The following AKAP19 variants were observed in gnomAD, a reference collection of about 807,000 sequenced individuals.
AKAP19 encodes small A-kinase anchoring protein.
chr2:189,889,738 G>A, the AKAP19 span, among the ~76,000 whole-genome samples: 1 of 152,160 alleles, frequency 6.6e-6, no homozygotes, highest in Admixed American at 6.5e-5. Flanking sequence ...AGTATTATCT[G>A]ATGGTAGTTT....
At chr2:190,038,905 TTCTTCTTCTTCTTCTTCTTCTTCTTCTTC>T in the AKAP19 span, among the ~76,000 whole-genome samples, 16 of 82,874 alleles carry the variant, frequency 1.9e-4, no homozygotes, top group Admixed American at 2.3e-4. Context: ...TCTTTCTTTC[TTCTTCTTCTTCTTCTTCTTCTTCTTCTTC>T]TTCTTCTTCT....
the AKAP19 span, chr2:190,180,747 C>T: frequency 1.5e-4 from 149 of 985,274 alleles, no homozygotes; most frequent in Middle Eastern, 2.6e-3. This position sits in a 1 kb window ranked among gnomAD's most constrained non-coding sequence, Gnocchi z 6.8. Flanking sequence ...CCTTGGGCGG[C>T]CATCTGGAGG....
the AKAP19 span, chr2:189,930,187 T>A: frequency 6.0e-6 from 1 of 165,952 alleles, no homozygotes; most frequent in Non-Finnish European, 1.3e-5. Flanking sequence ...TCCTAATCCC[T>A]GGTTCTTTGG....
At chr2:190,175,001 T>TGGAGC in the AKAP19 span, among the ~76,000 whole-genome samples, 1 of 51,410 alleles carries the variant, frequency 1.9e-5, no homozygotes. Context: ...ATACATAGAT[T>TGGAGC]ACATGGAGTA....
At chr2:189,921,498 G>A in the AKAP19 span, among the ~76,000 whole-genome samples, 1 of 152,154 alleles carries the variant, frequency 6.6e-6, no homozygotes, top group African/African-American at 2.4e-5. Context: ...AGATTAGGAG[G>A]TGAGGGATTA....
the AKAP19 span, among the ~76,000 whole-genome samples, chr2:190,052,630 TA>T: frequency 6.6e-6 from 1 of 152,178 alleles, no homozygotes; most frequent in Non-Finnish European, 1.5e-5. Flanking sequence ...CCAAACCGCA[TA>T]ATCAAATTTT....
At chr2:189,916,913 C>T in the AKAP19 span, among the ~76,000 whole-genome samples, 74 of 152,024 alleles carry the variant, frequency 4.9e-4, no homozygotes, top group African/African-American at 1.7e-3. Context: ...TTTCATTCAC[C>T]GTATAATTTA....
the AKAP19 span, among the ~76,000 whole-genome samples, chr2:190,091,498 TAG>T: frequency 0.02 from 2,945 of 150,534 alleles, 37 homozygotes; most frequent in Middle Eastern, 0.031. Flanking sequence ...TTTCTTAAAG[TAG>T]AAGAGAACTT....
the AKAP19 span, among the ~76,000 whole-genome samples, chr2:189,987,696 G>A: frequency 1.3e-5 from 2 of 152,184 alleles, no homozygotes; most frequent in South Asian, 4.1e-4. Context: ...CAGACCAGAT[G>A]TAACCAAGAA....
the AKAP19 span, among the ~76,000 whole-genome samples, chr2:190,034,811 A>G: frequency 1.5e-5 from 2 of 137,454 alleles, no homozygotes; most frequent in Admixed American, 8.5e-5. Context: ...CAGAGATTGC[A>G]CCACTGAACT....
the AKAP19 span, among the ~76,000 whole-genome samples, chr2:190,134,454 C>T: frequency 6.6e-6 from 1 of 151,770 alleles, no homozygotes; most frequent in Non-Finnish European, 1.5e-5. Flanking sequence ...TATTTATTAC[C>T]AAAGATGTTG....
At chr2:190,194,474 G>GTA in the AKAP19 span, among the ~76,000 whole-genome samples, 1 of 124,022 alleles carries the variant, frequency 8.1e-6, no homozygotes, top group East Asian at 2.6e-4. Context: ...CGTATCCTGT[G>GTA]TATACACACA....
At chr2:190,182,966 T>C in the AKAP19 span, among the ~76,000 whole-genome samples, 1 of 152,256 alleles carries the variant, frequency 6.6e-6, no homozygotes, top group Admixed American at 6.5e-5. Flanking sequence ...ATGTCATTCA[T>C]CATGTTAATT....
chr2:190,031,840 T>C, the AKAP19 span, among the ~76,000 whole-genome samples: 4 of 152,296 alleles, frequency 2.6e-5, no homozygotes, highest in East Asian at 7.7e-4. Context: ...GGACAAATGC[T>C]GGGTCAGTTT....
the AKAP19 span, among the ~76,000 whole-genome samples, chr2:190,080,640 A>G: frequency 6.6e-6 from 1 of 152,250 alleles, no homozygotes; most frequent in Non-Finnish European, 1.5e-5. Context: ...CAATTCAAGG[A>G]ACATTTATTG....
At chr2:190,131,740 G>A in the AKAP19 span, among the ~76,000 whole-genome samples, 1 of 152,094 alleles carries the variant, frequency 6.6e-6, no homozygotes, top group Non-Finnish European at 1.5e-5. Context: ...ATCTCCTGTG[G>A]GATAGTATCA....
the AKAP19 span, among the ~76,000 whole-genome samples, chr2:190,100,306 A>C: frequency 1.3e-5 from 2 of 152,188 alleles, no homozygotes; most frequent in African/African-American, 4.8e-5. Context: ...CATGCTGACT[A>C]TGTGGAAGGA....
At chr2:190,120,538 T>A in the AKAP19 span, among the ~76,000 whole-genome samples, 2 of 152,218 alleles carry the variant, frequency 1.3e-5, no homozygotes, top group Non-Finnish European at 2.9e-5. Flanking sequence ...CTATATTGTG[T>A]TACATGACAG....
the AKAP19 span, among the ~76,000 whole-genome samples, chr2:189,982,523 G>A: frequency 5.3e-5 from 8 of 152,074 alleles, no homozygotes; most frequent in African/African-American, 9.7e-5. Flanking sequence ...AGCATCCATC[G>A]CTAGAGCTAG....
Sources: allele counts gnomAD v4.1 joint callset (sites outside exome capture counted in the v4.1 genomes callset), GRCh38; gene constraint gnomAD v4.1.1; non-coding constraint Gnocchi (gnomAD v3.1); transcripts MANE v1.5; gene names NCBI Gene and HGNC (gene_info 2026-07-23, HGNC 2026-07-21).